The following MED13L variants were observed in gnomAD, a reference collection of about 807,000 sequenced individuals.
MED13L encodes mediator of RNA polymerase II transcription subunit 13-like.
A neutral mutation model predicts 220.9 loss-of-function variants in MED13L; 7 were observed. The ratio of observed to expected loss-of-function variants is 0.03; its 90% CI spans 0.02 to 0.06. The LOEUF (loss-of-function observed/expected upper bound fraction) is 0.06, where lower values mean the gene tolerates loss of function less well. Among genes scored for constraint, MED13L ranks in the 10% least tolerant of loss-of-function variants. MED13L has a pLI of 1.00. For missense variants in MED13L, 1,965 were observed against 2,760.5 expected (o/e 0.71, Z 6.46); for synonymous variants, 1,011 against 1,015.2 (o/e 1.00, Z 0.08).
In MED13L at chr12:116,024,777, G is replaced by GC. The variant is rs1482845652; in HGVS notation, c.480-2177_480-2176insG. Among the ~76,000 whole-genome samples the GC allele has an allele frequency of 3.4e-4, 33 of 96,372 alleles. 2 individuals carry two copies. Among genetic ancestry groups the GC allele is most frequent in the Admixed American group, 3.4e-3 (32 of 9,360 alleles). The allele number at this position is 96,372 out of a possible 152,430, so 63.2% of individuals were successfully genotyped here. ...TCATGCTTTTTTTTGGCGGGGCGGG[G>GC]GGGGGGGGGAGGTGATCTTGTTTTT... On this transcript the variant is annotated intron_variant, in intron 4 of 30. Transcript: ENST00000281928.
chr12:116,094,125 G>T (rs1180064518), intron 4 of MED13L, among the ~76,000 whole-genome samples: 2 of 152,078 alleles, frequency 1.3e-5, no homozygotes, highest in Non-Finnish European at 2.9e-5. Context: ...TCCAACTCAG[G>T]CATGACTACT....
chr12:116,165,614 G>A (rs1879205926), intron 2 of MED13L, among the ~76,000 whole-genome samples: 1 of 151,974 alleles, frequency 6.6e-6, no homozygotes, highest in Non-Finnish European at 1.5e-5. Context: ...ACAGGCGTGA[G>A]CCACCGCACC....
intron 2 of MED13L, among the ~76,000 whole-genome samples, chr12:116,170,608 GTTTTT>G (rs869277948): frequency 8.0e-6 from 1 of 124,500 alleles, no homozygotes; most frequent in South Asian, 2.6e-4. Context: ...TTTTTTTTTT[GTTTTT>G]TTTTTTTTTT....
chr12:116,055,781 C>T (rs1265593505), intron 4 of MED13L, among the ~76,000 whole-genome samples: 1 of 152,002 alleles, frequency 6.6e-6, no homozygotes, highest in Non-Finnish European at 1.5e-5. Context: ...GTAATCCCAG[C>T]TACTGGGGAG....
intron 2 of MED13L, among the ~76,000 whole-genome samples, chr12:116,127,166 T>C (rs1433752197): frequency 6.6e-6 from 1 of 152,198 alleles, no homozygotes; most frequent in Non-Finnish European, 1.5e-5. Flanking sequence ...AGACAGAGTT[T>C]TGATAGTGAT....
intron 3 of MED13L, among the ~76,000 whole-genome samples, chr12:116,102,696 TC>T (rs1565878422): frequency 4.9e-5 from 5 of 103,050 alleles, no homozygotes; most frequent in African/African-American, 6.2e-5. Context: ...ATTTTCTTTT[TC>T]TTTTTCTTTT....
Position 116,000,036 on chromosome 12 carries a change from A to G in MED13L, c.2570-2806T>C, listed in dbSNP as rs115815048. On this transcript the variant is annotated intron_variant, in intron 14 of 30. Coordinates refer to ENST00000281928, the MANE Select transcript of MED13L (RefSeq NM_015335.5). ...TTTTTTGTGCATATTGAGATAATGT[A>G]TGCTCAGAAGTGAACACTTTGCTGC... Among the ~76,000 whole-genome samples the G allele has an allele frequency of 2.6e-3, 396 of 152,376 alleles. 3 individuals are homozygous for G. Among genetic ancestry groups the G allele is most frequent in the African/African-American group, 9.2e-3 (381 of 41,584 alleles).
At chr12:116,227,282 AAAG>A (rs1280455810) in intron 2 of MED13L, among the ~76,000 whole-genome samples, 2 of 152,210 alleles carry the variant, frequency 1.3e-5, no homozygotes, top group Admixed American at 6.5e-5. Flanking sequence ...AATAAGGGGT[AAAG>A]AAGATCTCTA....
At chr12:116,203,198 G>A (rs1156467101) in intron 2 of MED13L, among the ~76,000 whole-genome samples, 1 of 152,146 alleles carries the variant, frequency 6.6e-6, no homozygotes, top group Non-Finnish European at 1.5e-5. Flanking sequence ...AGGCAGGAAT[G>A]TTAACAGTTT....
chr12:115,971,317 C>T (rs772852193), intron 26 of MED13L, among the ~76,000 whole-genome samples: 6 of 152,106 alleles, frequency 3.9e-5, no homozygotes, highest in South Asian at 2.1e-4. Flanking sequence ...CAAGTGGTAG[C>T]GGCAACAGAG....
chr12:116,121,877 TG>T (rs760060950), intron 2 of MED13L, among the ~76,000 whole-genome samples: 20 of 152,170 alleles, frequency 1.3e-4, no homozygotes, highest in Middle Eastern at 3.2e-3. Context: ...CTTTCAGGGA[TG>T]GCACTTCTTA....
intron 2 of MED13L, among the ~76,000 whole-genome samples, chr12:116,191,023 C>T (rs1244691361): frequency 1.3e-5 from 2 of 148,882 alleles, no homozygotes; most frequent in Admixed American, 1.4e-4. Context: ...ACCCAGGAGG[C>T]GGAGGTTGCA....
chr12:116,237,680 C>T lies in MED13L; in HGVS notation c.98G>A (p.Arg33His), dbSNP rs1425933908. The T allele has an allele frequency of 2.5e-6, 4 of 1,614,164 alleles. No individual in the cohort carries two copies. Among genetic ancestry groups the T allele is most frequent in the South Asian group, 1.1e-5 (1 of 91,088 alleles). ...CCCATGCCCTCCAAAATTGTACCTA[C>T]GCCATTTGATTCCCGTGAGTTCAGC... is the stretch of plus-strand genomic sequence containing the variant. ...SLAELTGIKWRRYNFGGHGDC... is the reference protein window; with the variant it reads ...SLAELTGIKWHRYNFGGHGDC... The change falls in exon 2 of 31, where the codon CGT becomes CAT. Residue 33 changes from arginine (R) to histidine (H), a missense_variant. By Grantham distance (29) the Arg-to-His change is conservative. Coordinates refer to ENST00000281928, the MANE Select transcript of MED13L (RefSeq NM_015335.5).
intron 1 of MED13L, among the ~76,000 whole-genome samples, chr12:116,255,226 G>A (rs1235066964): frequency 6.6e-6 from 1 of 152,104 alleles, no homozygotes; most frequent in Non-Finnish European, 1.5e-5. Flanking sequence ...CCAGAAAAAA[G>A]CAATGCACAC....
chr12:116,274,182 A>T (rs75639744), intron 1 of MED13L, among the ~76,000 whole-genome samples: 13,163 of 152,244 alleles, frequency 0.086, 654 homozygotes, highest in East Asian at 0.22. Context: ...TGAAAAATTA[A>T]TTTAAGAAAT....
chr12:116,022,252 G>A (rs749094972), intron 5 of MED13L, among the ~76,000 whole-genome samples: 9 of 152,054 alleles, frequency 5.9e-5, no homozygotes, highest in Middle Eastern at 3.2e-3. Flanking sequence ...TTATATATGC[G>A]ATAAGCTTCA....
chr12:116,173,690 G>C (rs1156266986), intron 2 of MED13L, among the ~76,000 whole-genome samples: 1 of 152,078 alleles, frequency 6.6e-6, no homozygotes, highest in Non-Finnish European at 1.5e-5. Flanking sequence ...AACAAAACGA[G>C]AAATTCACAT....
At chr12:116,264,610 T>C (rs1257245851) in intron 1 of MED13L, among the ~76,000 whole-genome samples, 1 of 152,244 alleles carries the variant, frequency 6.6e-6, no homozygotes, top group African/African-American at 2.4e-5. Context: ...CTTGTATTTC[T>C]AAGAGGTGTC....
intron 4 of MED13L, among the ~76,000 whole-genome samples, chr12:116,028,132 C>T (rs1880513718): frequency 6.6e-6 from 1 of 151,982 alleles, no homozygotes; most frequent in South Asian, 2.1e-4. Flanking sequence ...CTAGCTGGCT[C>T]GTACATAAGT....
Sources: gnomAD v4.1 joint callset for allele counts (sites outside exome capture counted in the v4.1 genomes callset) on GRCh38, gnomAD v4.1.1 for gene constraint, MANE v1.5 for transcripts, NCBI Gene and HGNC (gene_info 2026-07-23, HGNC 2026-07-21) for gene names.